PCBD2: variants seen among roughly 807,000 people sequenced by gnomAD.
PCBD2 encodes the protein pterin-4 alpha-carbinolamine dehydratase 2.
A neutral mutation model predicts 16.4 loss-of-function variants in PCBD2; 12 were observed. That is an observed-to-expected ratio of 0.73 (90% CI 0.47 to 1.19). PCBD2 has a LOEUF of 1.19. Among genes scored for constraint, PCBD2 ranks in the 50% most tolerant of loss-of-function variants. The pLI, the probability that PCBD2 is intolerant of heterozygous loss-of-function variation, is 0.00. For missense variants in PCBD2, 138 were observed against 156.8 expected (o/e 0.88, Z 0.64); for synonymous variants, 58 against 61.8 (o/e 0.94, Z 0.29).
At chr5:134,912,320 G>A (rs1337693451) in intron 2 of PCBD2, among the ~76,000 whole-genome samples, 1 of 152,196 alleles carries the variant, frequency 6.6e-6, no homozygotes, top group Non-Finnish European at 1.5e-5. Flanking sequence ...GCCTGTAATG[G>A]TAACTGGTGT....
intron 2 of PCBD2, among the ~76,000 whole-genome samples, chr5:134,911,693 A>G (rs1335020663): frequency 1.3e-5 from 2 of 152,182 alleles, no homozygotes; most frequent in Non-Finnish European, 2.9e-5. Context: ...TTTTCCTAGT[A>G]AATGTCATTG....
chr5:134,938,384 C>T (rs980806335), intron 2 of PCBD2, among the ~76,000 whole-genome samples: 1 of 152,142 alleles, frequency 6.6e-6, no homozygotes, highest in Admixed American at 6.5e-5. Flanking sequence ...ACTGAAGGAA[C>T]CTTTTCTCTG....
At chr5:134,927,299 G>C (rs939249506) in intron 2 of PCBD2, 12 of 398,386 alleles carry the variant, frequency 3.0e-5, no homozygotes, top group African/African-American at 2.3e-4. Context: ...GAATGAGTGT[G>C]AGGCGTATTA....
At chr5:134,917,077 G>T (rs1750842469) in intron 2 of PCBD2, among the ~76,000 whole-genome samples, 2 of 152,228 alleles carry the variant, frequency 1.3e-5, no homozygotes, top group Middle Eastern at 3.2e-3. Flanking sequence ...TGTGTTGAAA[G>T]AACAAAATGT....
At chr5:134,909,220 C>CT (rs1750734925) in intron 1 of PCBD2, among the ~76,000 whole-genome samples, 1 of 152,242 alleles carries the variant, frequency 6.6e-6, no homozygotes, top group Admixed American at 6.5e-5. Context: ...GTGCTTTGGA[C>CT]TGGGCAGTAC....
intron 2 of PCBD2, among the ~76,000 whole-genome samples, chr5:134,932,234 G>A (rs574579129): frequency 3.0e-4 from 45 of 152,198 alleles, no homozygotes; most frequent in African/African-American, 1.1e-3. Flanking sequence ...TTGGAGTGCA[G>A]CGACGTGATC....
rs1304273065 is a variant in PCBD2, at chr5:134,962,511, C to A, written c.*1830C>A. 6.6e-6 allele frequency among the ~76,000 whole-genome samples: 1 copy of A among 152,178 alleles called. No homozygotes were observed. Among genetic ancestry groups the A allele is most frequent in the Middle Eastern group, 3.4e-3 (1 of 294 alleles). On this transcript the variant is annotated 3_prime_UTR_variant, in exon 4 of 4. Transcript: ENST00000254908. ...CAAATGATCTTCCTGCCTTGACCCC[C>A]CAAAGTGCTGGGATTACAGGCGTGA...
chr5:134,918,385 A>C (rs1008535298), intron 2 of PCBD2, among the ~76,000 whole-genome samples: 12 of 152,124 alleles, frequency 7.9e-5, no homozygotes, highest in African/African-American at 2.9e-4. Context: ...GGTGCCTGTA[A>C]TACCAGCTAC....
intron 2 of PCBD2, among the ~76,000 whole-genome samples, chr5:134,914,857 G>C (rs541202589): frequency 1.8e-3 from 268 of 152,156 alleles, no homozygotes; most frequent in Non-Finnish European, 3.0e-3. Flanking sequence ...ATTTATAGTA[G>C]AGATGGGGTT....
intron 2 of PCBD2, among the ~76,000 whole-genome samples, chr5:134,951,054 C>T (rs773441706): frequency 9.9e-5 from 15 of 152,074 alleles, no homozygotes; most frequent in Non-Finnish European, 2.2e-4. Flanking sequence ...TTTTCCCAAA[C>T]TAATTTTTAA....
chr5:134,950,064 G>C (rs1751341512), intron 2 of PCBD2, among the ~76,000 whole-genome samples: 2 of 152,188 alleles, frequency 1.3e-5, no homozygotes, highest in South Asian at 4.1e-4. Flanking sequence ...TTATGTAATA[G>C]TGTTTTCATT....
chr5:134,959,088 C>T lies in PCBD2; in HGVS notation c.265C>T (p.His89Tyr). 1 of 1,614,004 alleles carries T rather than the reference C, an allele frequency of 6.2e-7. No homozygotes were observed. Among genetic ancestry groups the T allele is most frequent in the Non-Finnish European group, 8.5e-7 (1 of 1,179,874 alleles). Residue 89 changes from histidine (H) to tyrosine (Y), a missense_variant, in exon 3 of 4, where the codon CAT becomes TAT. His to Tyr is a moderately conservative substitution (Grantham distance 83, BLOSUM62 2). Transcript: ENST00000254908. The stretch of plus-strand genomic sequence containing the variant: ...TGCCCTACAAGCAGAGAAGATGAAT[C>T]ATCACCCAGAATGGTTCAATGTATA... Reference protein sequence around the residue: ...RVALQAEKMNHHPEWFNVYNK... With the variant: ...RVALQAEKMNYHPEWFNVYNK...
chr5:134,919,737 T>C (rs1368110493), intron 2 of PCBD2, among the ~76,000 whole-genome samples: 1 of 152,252 alleles, frequency 6.6e-6, no homozygotes, highest in Non-Finnish European at 1.5e-5. Flanking sequence ...CAGAAAATAA[T>C]TGAAAGGAGA....
At chr5:134,944,922 A>G (rs1404660123) in intron 2 of PCBD2, among the ~76,000 whole-genome samples, 3 of 152,204 alleles carry the variant, frequency 2.0e-5, no homozygotes, top group Non-Finnish European at 2.9e-5. Flanking sequence ...ACTTTAAATC[A>G]TTGTGTCCCA....
At chr5:134,948,719 CTTTT>C (rs11355696) in intron 2 of PCBD2, among the ~76,000 whole-genome samples, 1 of 142,314 alleles carries the variant, frequency 7.0e-6, no homozygotes, top group Admixed American at 7.0e-5. Flanking sequence ...TGACTTGAAG[CTTTT>C]TTTTTTTTTT....
intron 2 of PCBD2, among the ~76,000 whole-genome samples, chr5:134,917,830 G>A (rs1750851657): frequency 6.6e-6 from 1 of 152,162 alleles, no homozygotes; most frequent in African/African-American, 2.4e-5. Flanking sequence ...TTCTTTTCCT[G>A]TGTCCACAGA....
chr5:134,940,357 G>T (rs1344914006), intron 2 of PCBD2, among the ~76,000 whole-genome samples: 1 of 152,106 alleles, frequency 6.6e-6, no homozygotes, highest in East Asian at 1.9e-4. Context: ...TCTCTGGGTT[G>T]TACATTTCTT....
At chr5:134,914,419 T>A (rs1442425059) in intron 2 of PCBD2, among the ~76,000 whole-genome samples, 2 of 152,146 alleles carry the variant, frequency 1.3e-5, no homozygotes, top group African/African-American at 2.4e-5. Context: ...AGATTTGGGG[T>A]CAAACATTTA....
chr5:134,919,417 G>A (rs1750876019), intron 2 of PCBD2, among the ~76,000 whole-genome samples: 1 of 152,138 alleles, frequency 6.6e-6, no homozygotes, highest in Non-Finnish European at 1.5e-5. Context: ...AATATCAACA[G>A]ATGTTATCAT....
Sources: allele counts gnomAD v4.1 joint callset (sites outside exome capture counted in the v4.1 genomes callset), GRCh38; gene constraint gnomAD v4.1.1; transcripts MANE v1.5; gene names NCBI Gene and HGNC (gene_info 2026-07-23, HGNC 2026-07-21).